The following HSF2BP variants were observed in gnomAD, a reference collection of about 807,000 sequenced individuals.
The protein encoded by HSF2BP is heat shock factor 2-binding protein.
In HSF2BP, 35 loss-of-function variants were observed where a neutral mutation model predicts 35.0. The observed-to-expected ratio is 1.00, with a 90% CI of 0.76 to 1.32. The LOEUF (loss-of-function observed/expected upper bound fraction) is 1.32, where lower values mean the gene tolerates loss of function less well. Ranked by LOEUF, HSF2BP falls within the 40% of genes most tolerant of loss-of-function variation. The pLI, the probability that HSF2BP is intolerant of heterozygous loss-of-function variation, is 0.00. For synonymous variants in HSF2BP, 114 were observed against 117.4 expected (o/e 0.97, Z 0.18); for missense variants, 326 against 321.7 (o/e 1.01, Z -0.10).
intron 4 of HSF2BP, among the ~76,000 whole-genome samples, chr21:43,638,222 C>T (rs1417545555): frequency 1.3e-5 from 2 of 152,104 alleles, no homozygotes; most frequent in African/African-American, 4.8e-5. Context: ...CACCAAGAGA[C>T]CAAGGCAGGC....
At chr21:43,614,018 G>C (rs1385657474) in intron 6 of HSF2BP, 71 bp from the exon 7 acceptor site, 2 of 1,088,630 alleles carry the variant, frequency 1.8e-6, no homozygotes, top group African/African-American at 1.6e-5. Context: ...GTGCAGAACA[G>C]AGTATTTTCT....
At chr21:43,608,456 G>A (rs1402611780) in intron 7 of HSF2BP, among the ~76,000 whole-genome samples, 1 of 152,038 alleles carries the variant, frequency 6.6e-6, no homozygotes, top group African/African-American at 2.4e-5. Flanking sequence ...ACATCATGTT[G>A]GCAAAACCAC....
rs2082438649 is a variant in HSF2BP, at chr21:43,630,316, A to T, written c.574+6T>A. The T allele has an allele frequency of 2.5e-6, 4 of 1,610,534 alleles. No individual in the cohort carries two copies. Among genetic ancestry groups the T allele is most frequent in the East Asian group, 4.5e-5 (2 of 44,822 alleles). On this transcript the variant is annotated splice_donor_region_variant and intron_variant, in intron 6 of 8. Transcript: ENST00000291560. Reference sequence around the variant, plus strand: ...GGCAACATCTCTCAGGTGCGCCTGCACTTACTCGTGACAATTCCAGCCAGA... The same window carrying T: ...GGCAACATCTCTCAGGTGCGCCTGCTCTTACTCGTGACAATTCCAGCCAGA...
At chr21:43,616,314 C>T (rs1241536521) in intron 6 of HSF2BP, among the ~76,000 whole-genome samples, 1 of 152,172 alleles carries the variant, frequency 6.6e-6, no homozygotes, top group East Asian at 1.9e-4. Flanking sequence ...AGTCCAGCTA[C>T]CCTAAGGCTG....
At chr21:43,647,997 C>T (rs1198023469) in intron 3 of HSF2BP, among the ~76,000 whole-genome samples, 1 of 151,590 alleles carries the variant, frequency 6.6e-6, no homozygotes, top group Non-Finnish European at 1.5e-5. Flanking sequence ...GTTGATTTCC[C>T]AAACCAGAGT....
chr21:43,618,319 C>G (rs1331208530), intron 6 of HSF2BP, among the ~76,000 whole-genome samples: 1 of 151,836 alleles, frequency 6.6e-6, no homozygotes. Context: ...AGAGTTGAGA[C>G]GTACTATGTC....
chr21:43,657,412 C>G (rs1170765058), intron 2 of HSF2BP, among the ~76,000 whole-genome samples: 1 of 152,180 alleles, frequency 6.6e-6, no homozygotes, highest in African/African-American at 2.4e-5. Context: ...ACGCCTGCAA[C>G]TTTTTATCAC....
At chr21:43,593,063 G>C (rs2081945914) in intron 7 of HSF2BP, among the ~76,000 whole-genome samples, 1 of 152,126 alleles carries the variant, frequency 6.6e-6, no homozygotes, top group African/African-American at 2.4e-5. Context: ...GAAATCAAAG[G>C]AAAACATCTC....
At position 43,592,272 on chromosome 21, in the gene HSF2BP, A is replaced by G. The variant is rs2081935881; in HGVS notation, c.749T>C (p.Ile250Thr). ...AGGGATGAATCCTGGACTCTCGCTG[A>G]TGTATTTCAAGCCTTTCAAATTGAT... Reference protein sequence around the residue: ...VSINLKGLKYISESPGFIPLL... With the variant: ...VSINLKGLKYTSESPGFIPLL... The change falls in exon 8 of 9, where the codon ATC becomes ACC. Residue 250 changes from isoleucine to threonine, a missense_variant. By Grantham distance (89) the Ile-to-Thr change is moderately conservative (BLOSUM62 -1). Coordinates refer to ENST00000291560, the MANE Select transcript of HSF2BP (RefSeq NM_007031.2). 2.5e-6 allele frequency: 4 copies of G among 1,613,984 alleles called. No individual in the cohort carries two copies. The highest frequency in any genetic ancestry group is 3.4e-6 in the Non-Finnish European group (4 of 1,179,896).
intron 4 of HSF2BP, among the ~76,000 whole-genome samples, chr21:43,637,066 A>C (rs1473705024): frequency 6.6e-6 from 1 of 152,092 alleles, no homozygotes. Context: ...AGGCGGGCAG[A>C]TCACTTGGGG....
intron 2 of HSF2BP, 55 bp downstream of exon 2, chr21:43,658,006 G>A (rs2082901735): frequency 6.5e-7 from 1 of 1,534,342 alleles, no homozygotes; most frequent in East Asian, 2.4e-5. Context: ...GCCCTGAGGG[G>A]AGCGAATGGC....
intron 8 of HSF2BP, among the ~76,000 whole-genome samples, chr21:43,590,826 A>G (rs965049851): frequency 3.3e-5 from 5 of 152,238 alleles, no homozygotes; most frequent in African/African-American, 1.2e-4. Context: ...AAAGGAGGCG[A>G]GTCACTCTCT....
chr21:43,601,587 A>G (rs2082052775), intron 7 of HSF2BP, among the ~76,000 whole-genome samples: 1 of 152,220 alleles, frequency 6.6e-6, no homozygotes, highest in Non-Finnish European at 1.5e-5. Flanking sequence ...AAACCCAAAA[A>G]TGCCTTTCAG....
At chr21:43,466,541 C>G in the HSF2BP span, among the ~76,000 whole-genome samples, 5 of 20,970 alleles carry the variant, frequency 2.4e-4, 2 homozygotes, top group East Asian at 1.4e-3. Flanking sequence ...GCACCCCCCC[C>G]CCTCCGACCA....
At chr21:43,468,013 A>C in the HSF2BP span, among the ~76,000 whole-genome samples, 1 of 91,330 alleles carries the variant, frequency 1.1e-5, no homozygotes, top group Non-Finnish European at 2.2e-5. Flanking sequence ...ACACACCACA[A>C]ACCATACACA....
chr21:43,657,549 A>T (rs80078918), intron 2 of HSF2BP, among the ~76,000 whole-genome samples: 3,815 of 152,340 alleles, frequency 0.025, 51 homozygotes, highest in Middle Eastern at 0.065. Flanking sequence ...ATGGAAATTA[A>T]GGCACGGGAG....
intron 7 of HSF2BP, among the ~76,000 whole-genome samples, chr21:43,603,594 A>G (rs2082077837): frequency 6.6e-6 from 1 of 152,156 alleles, no homozygotes. Context: ...GAATGGGGAA[A>G]ATTACCCATG....
intron 7 of HSF2BP, among the ~76,000 whole-genome samples, chr21:43,598,779 G>C (rs2082017194): frequency 6.6e-6 from 1 of 152,192 alleles, no homozygotes; most frequent in Non-Finnish European, 1.5e-5. Flanking sequence ...GGAAAATTTA[G>C]CACCTTAACT....
At chr21:43,624,038 C>A (rs1399134098) in intron 6 of HSF2BP, among the ~76,000 whole-genome samples, 1 of 152,144 alleles carries the variant, frequency 6.6e-6, no homozygotes, top group Non-Finnish European at 1.5e-5. Context: ...AAGGGAGCCA[C>A]CAGCACATAA....
Sources: gnomAD v4.1 joint callset for allele counts (sites outside exome capture counted in the v4.1 genomes callset) on GRCh38, gnomAD v4.1.1 for gene constraint, MANE v1.5 for transcripts, NCBI Gene and HGNC (gene_info 2026-07-23, HGNC 2026-07-21) for gene names.